The following NFIB variants were observed in gnomAD, a reference collection of about 807,000 sequenced individuals.
NFIB encodes nuclear factor 1 B-type.
In NFIB, 11 loss-of-function variants were observed where a neutral mutation model predicts 61.5. The observed-to-expected ratio is 0.18, with a 90% CI of 0.11 to 0.30. The LOEUF (loss-of-function observed/expected upper bound fraction) is 0.30. NFIB is among the 10% of genes least tolerant of loss of function. The probability of loss-of-function intolerance (pLI) is 1.00; values close to 1 mark genes in which losing one functional copy is unlikely to be tolerated. For missense variants in NFIB, 471 were observed against 608.9 expected, an observed-to-expected ratio of 0.77 and a Z score of 2.38; for synonymous variants, 260 against 216.5, an observed-to-expected ratio of 1.20 and a Z score of -1.76.
intron 1 of NFIB, among the ~76,000 whole-genome samples, chr9:14,350,511 G>A (rs1485872849): frequency 1.4e-5 from 2 of 146,994 alleles, no homozygotes; most frequent in Admixed American, 6.8e-5. Flanking sequence ...GACCTGGGTG[G>A]GGTGGGGGGG....
At chr9:14,337,032 C>A (rs577297489) in intron 1 of NFIB, among the ~76,000 whole-genome samples, 3 of 152,238 alleles carry the variant, frequency 2.0e-5, no homozygotes, top group South Asian at 4.2e-4. Context: ...GGATATTATT[C>A]TTCTTTGTTT....
At chr9:14,282,696 A>G (rs540854349) in intron 2 of NFIB, among the ~76,000 whole-genome samples, 66 of 152,202 alleles carry the variant, frequency 4.3e-4, no homozygotes, top group Non-Finnish European at 4.6e-4. Context: ...TGTCCTTTTT[A>G]CAGATCAGGA....
rs191247763 is a variant in NFIB at position 14,233,069 on chromosome 9, G to A, written c.563-53289C>T. 3.2e-4 allele frequency among the ~76,000 whole-genome samples: 49 copies of A among 152,288 alleles called. 1 individual carries two copies. The highest frequency in any genetic ancestry group is 1.4e-3 in the Admixed American group (21 of 15,300). On this transcript the variant is annotated intron_variant, in intron 2 of 10. Coordinates refer to ENST00000380953, the MANE Select transcript of NFIB (RefSeq NM_001190737.2). ...AGAGCAAAAAGTCACCACTTTTTAA[G>A]AAAACCAAGGCAAAGAACAGAAAGT...
chr9:14,260,483 T>G (rs1482256317), intron 2 of NFIB, among the ~76,000 whole-genome samples: 1 of 152,242 alleles, frequency 6.6e-6, no homozygotes, highest in Non-Finnish European at 1.5e-5. Context: ...AGATTTACTT[T>G]TGTCGGACTC....
At chr9:14,528,760 T>G in the NFIB span, among the ~76,000 whole-genome samples, 3 of 152,134 alleles carry the variant, frequency 2.0e-5, no homozygotes, top group Admixed American at 6.6e-5. Context: ...GCTTTAAATG[T>G]GAAGTACAAA....
the NFIB span, among the ~76,000 whole-genome samples, chr9:14,505,469 C>T: frequency 6.6e-6 from 1 of 152,146 alleles, no homozygotes; most frequent in African/African-American, 2.4e-5. Context: ...CAGGAGGAGG[C>T]AGCAGTCAGA....
chr9:14,159,588 A>G (rs1025821790), intron 3 of NFIB, among the ~76,000 whole-genome samples: 6 of 152,218 alleles, frequency 3.9e-5, no homozygotes, highest in Admixed American at 1.3e-4. Flanking sequence ...TGCAGGCAGC[A>G]TAGCCTTTGT....
chr9:14,306,661 C>T (rs964920455), intron 2 of NFIB, among the ~76,000 whole-genome samples: 8 of 152,008 alleles, frequency 5.3e-5, no homozygotes, highest in East Asian at 1.9e-4. Context: ...ATGTAGCCTA[C>T]GACAGAAAGT....
At chr9:14,485,603 G>A in the NFIB span, among the ~76,000 whole-genome samples, 50 of 152,170 alleles carry the variant, frequency 3.3e-4, 1 homozygote, top group African/African-American at 9.1e-4. Flanking sequence ...GCCTGGGCAC[G>A]GTGGCTCAAG....
At chr9:14,300,382 A>G (rs1384517954) in intron 2 of NFIB, among the ~76,000 whole-genome samples, 1 of 152,216 alleles carries the variant, frequency 6.6e-6, no homozygotes, top group Non-Finnish European at 1.5e-5. Flanking sequence ...TATGTTGGCT[A>G]ATCATTTGCT....
At chr9:14,385,440 A>C (rs1293784584) in intron 1 of NFIB, among the ~76,000 whole-genome samples, 2 of 152,218 alleles carry the variant, frequency 1.3e-5, no homozygotes, top group Non-Finnish European at 2.9e-5. Flanking sequence ...CAAAACACAT[A>C]TTATTTGTAA....
At chr9:14,197,487 A>T (rs2131601435) in intron 2 of NFIB, among the ~76,000 whole-genome samples, 1 of 152,368 alleles carries the variant, frequency 6.6e-6, no homozygotes, top group East Asian at 1.9e-4. Flanking sequence ...CCGATATAGA[A>T]AAGAAAATTC....
At chr9:14,388,418 AGG>A (rs2061578774) in intron 1 of NFIB, among the ~76,000 whole-genome samples, 2 of 136,234 alleles carry the variant, frequency 1.5e-5, no homozygotes, top group Admixed American at 1.5e-4. Context: ...GAAGGAAGGA[AGG>A]AAGGAAGGAG....
rs183009885 is a variant in NFIB at position 14,224,747 on chromosome 9, G to A, written c.563-44967C>T. Among the ~76,000 whole-genome samples, 253 of 152,312 alleles carry A rather than the reference G, an allele frequency of 1.7e-3. 3 individuals carry two copies. Among genetic ancestry groups the A allele is most frequent in the African/African-American group, 5.8e-3 (240 of 41,550 alleles). On this transcript the variant is annotated intron_variant, in intron 2 of 10. Transcript: ENST00000380953. Reference sequence around the variant, plus strand: ...GTTTGGTATCCCCAGTGGGGCCTGGGGTTGGGGCGGTCCTAGAACCAATTC... The same window carrying A: ...GTTTGGTATCCCCAGTGGGGCCTGGAGTTGGGGCGGTCCTAGAACCAATTC...
intron 2 of NFIB, among the ~76,000 whole-genome samples, chr9:14,182,704 CTCTCTGTGTGTGTGTG>C (rs1461450438): frequency 2.3e-5 from 3 of 128,398 alleles, no homozygotes; most frequent in Admixed American, 1.7e-4. Context: ...CTCTCTCTCT[CTCTCTGTGTGTGTGTG>C]TGTGTGTGTG....
the NFIB span, among the ~76,000 whole-genome samples, chr9:14,453,810 C>T: frequency 6.6e-5 from 10 of 152,112 alleles, no homozygotes; most frequent in South Asian, 2.1e-4. Flanking sequence ...AGGCTGGGCA[C>T]GGTGGCTCAC....
chr9:14,392,991 C>T (rs559801970), intron 1 of NFIB, among the ~76,000 whole-genome samples: 293 of 152,298 alleles, frequency 1.9e-3, no homozygotes, highest in African/African-American at 6.7e-3. Context: ...AATCAACGGT[C>T]TTGCGAATCT....
At chr9:14,343,440 C>T (rs1016949124) in intron 1 of NFIB, among the ~76,000 whole-genome samples, 3 of 152,066 alleles carry the variant, frequency 2.0e-5, no homozygotes, top group Non-Finnish European at 4.4e-5. Flanking sequence ...GCCAGGTTTT[C>T]CCTGTAGCAG....
At chr9:14,145,903 A>T (rs1233317750) in intron 6 of NFIB, among the ~76,000 whole-genome samples, 1 of 151,962 alleles carries the variant, frequency 6.6e-6, no homozygotes, top group East Asian at 1.9e-4. Flanking sequence ...TTTAAAAGAC[A>T]ATTTAAAAAT....
Sources: allele counts gnomAD v4.1 joint callset (sites outside exome capture counted in the v4.1 genomes callset), GRCh38; gene constraint gnomAD v4.1.1; transcripts MANE v1.5; gene names NCBI Gene and HGNC (gene_info 2026-07-23, HGNC 2026-07-21).